Variants in CHRM3 observed in about 807,000 individuals in gnomAD.
CHRM3 encodes cholinergic receptor muscarinic 3.
Under a neutral mutation model 41.8 loss-of-function variants are expected in CHRM3, and 11 were observed. The observed-to-expected ratio is 0.26, with a 90% CI of 0.17 to 0.44. CHRM3 has a LOEUF of 0.44. CHRM3 is among the 20% of genes least tolerant of loss of function. The probability of loss-of-function intolerance (pLI) is 1.00; values close to 1 mark genes in which losing one functional copy is unlikely to be tolerated. For missense variants in CHRM3, 571 were observed against 745.4 expected (o/e 0.77, Z 2.72); for synonymous variants, 297 against 301.4 (o/e 0.99, Z 0.15).
At position 239,607,659 on chromosome 1, in the gene CHRM3, TA is replaced by T. The variant is rs926977809; in HGVS notation, c.-312-24557del. Among the ~76,000 whole-genome samples, 492 of 151,858 alleles carry T rather than the reference TA, an allele frequency of 3.2e-3. 2 individuals carry two copies. The highest frequency in any genetic ancestry group is 0.011 in the African/African-American group (460 of 41,474). On this transcript the variant is annotated intron_variant, in intron 3 of 6. Transcript: ENST00000676153. ...TACTATTAATATGAAAAGCTCAAAC[TA>T]AAAAAAAGGCTTAGTAAAATCAACC...
At chr1:239,689,791 A>G (rs1005214554) in intron 5 of CHRM3, among the ~76,000 whole-genome samples, 2 of 152,190 alleles carry the variant, frequency 1.3e-5, no homozygotes, top group Non-Finnish European at 2.9e-5. Flanking sequence ...ACTAGGATAC[A>G]CATGTAGATA....
chr1:239,411,830 G>C (rs1281393345), intron 1 of CHRM3, among the ~76,000 whole-genome samples: 6 of 150,348 alleles, frequency 4.0e-5, no homozygotes, highest in Non-Finnish European at 5.9e-5. Flanking sequence ...AATTCTCAAG[G>C]CTTGTGATAA....
intron 6 of CHRM3, among the ~76,000 whole-genome samples, chr1:239,848,964 A>C (rs1333645338): frequency 6.6e-6 from 1 of 152,222 alleles, no homozygotes; most frequent in Non-Finnish European, 1.5e-5. Context: ...AACTATAGCT[A>C]CAGTATAGAG....
chr1:239,796,257 G>A (rs1669757479), intron 5 of CHRM3, among the ~76,000 whole-genome samples: 1 of 151,808 alleles, frequency 6.6e-6, no homozygotes, highest in Admixed American at 6.6e-5. Flanking sequence ...TAGAGCTCAA[G>A]AAAGAAAATA....
At chr1:239,491,880 A>G (rs1269727369) in intron 1 of CHRM3, among the ~76,000 whole-genome samples, 1 of 152,204 alleles carries the variant, frequency 6.6e-6, no homozygotes, top group Non-Finnish European at 1.5e-5. Context: ...TTTGAAAGCC[A>G]CGTGCAGGGG....
chr1:239,564,015 G>C (rs749599041), intron 3 of CHRM3, among the ~76,000 whole-genome samples: 1 of 152,104 alleles, frequency 6.6e-6, no homozygotes, highest in Non-Finnish European at 1.5e-5. Context: ...ATTTTTAGAA[G>C]CTCAAGATTT....
intron 6 of CHRM3, among the ~76,000 whole-genome samples, chr1:239,869,628 G>A (rs1197259770): frequency 6.6e-6 from 1 of 151,986 alleles, no homozygotes. Context: ...CCTCAGCCAT[G>A]GATCCCCAAG....
At chr1:239,388,129 G>C (rs1272199927) in intron 1 of CHRM3, among the ~76,000 whole-genome samples, 1 of 152,110 alleles carries the variant, frequency 6.6e-6, no homozygotes, top group Non-Finnish European at 1.5e-5. Flanking sequence ...GCAGGGATTT[G>C]GGAACTGCAT....
intron 2 of CHRM3, among the ~76,000 whole-genome samples, chr1:239,522,652 T>C (rs1306305422): frequency 6.6e-6 from 1 of 152,248 alleles, no homozygotes; most frequent in African/African-American, 2.4e-5. Flanking sequence ...ATGGGCTTTC[T>C]GGGCTGCTGA....
chr1:239,817,640 C>G (rs559873775), intron 5 of CHRM3, among the ~76,000 whole-genome samples: 10 of 152,016 alleles, frequency 6.6e-5, no homozygotes, highest in African/African-American at 2.4e-4. Flanking sequence ...CCAAAATGCA[C>G]AAGGACACAC....
Position 239,911,449 on chromosome 1 carries a change from T to C in CHRM3, c.*2225T>C, listed in dbSNP as rs560231597. On this transcript the variant is annotated 3_prime_UTR_variant, in exon 7 of 7. Coordinates refer to ENST00000676153, the MANE Select transcript of CHRM3 (RefSeq NM_001375978.1). ...CTCAAGTTGGCCTGGCACTAATAAA[T>C]ATGTGAAAGCTTATTCAAGTGTCCC... The C allele has an allele frequency of 1.2e-5, 2 of 166,934 alleles. No individual in the cohort carries two copies. Among genetic ancestry groups the C allele is most frequent in the African/African-American group, 4.8e-5 (2 of 41,456 alleles). 10.3% of individuals were successfully genotyped at this position (166,934 alleles called of 1,614,324 possible).
At chr1:239,710,519 T>A (rs962380479) in intron 5 of CHRM3, among the ~76,000 whole-genome samples, 2 of 152,076 alleles carry the variant, frequency 1.3e-5, no homozygotes, top group Admixed American at 6.6e-5. Context: ...GGTTTGGGTA[T>A]GTGACATATG....
chr1:239,630,290 A>G (rs1018607954), intron 3 of CHRM3, among the ~76,000 whole-genome samples: 2 of 152,218 alleles, frequency 1.3e-5, no homozygotes, highest in Non-Finnish European at 2.9e-5. Context: ...ACATGTAGGC[A>G]ATGTTGGGAC....
intron 6 of CHRM3, among the ~76,000 whole-genome samples, chr1:239,860,675 T>G (rs1675563754): frequency 6.6e-6 from 1 of 152,208 alleles, no homozygotes; most frequent in South Asian, 2.1e-4. Flanking sequence ...GCAGAGTTTG[T>G]GTTAAGTACT....
intron 3 of CHRM3, among the ~76,000 whole-genome samples, chr1:239,585,223 A>C (rs1230357301): frequency 6.6e-6 from 1 of 152,130 alleles, no homozygotes; most frequent in East Asian, 1.9e-4. Context: ...CTATTTGAAT[A>C]ATGACTGGTT....
At chr1:239,787,243 G>T (rs1331500673) in intron 5 of CHRM3, among the ~76,000 whole-genome samples, 1 of 152,174 alleles carries the variant, frequency 6.6e-6, no homozygotes, top group Non-Finnish European at 1.5e-5. Flanking sequence ...TATCCACCTG[G>T]TGGCTGAAGA....
At chr1:239,824,328 G>A (rs1672286052) in intron 5 of CHRM3, among the ~76,000 whole-genome samples, 1 of 152,140 alleles carries the variant, frequency 6.6e-6, no homozygotes, top group Admixed American at 6.5e-5. Context: ...TGGACTCGGT[G>A]CCTTCAATCG....
intron 3 of CHRM3, among the ~76,000 whole-genome samples, chr1:239,594,505 G>A (rs1353815345): frequency 6.6e-6 from 1 of 152,210 alleles, no homozygotes; most frequent in Non-Finnish European, 1.5e-5. Flanking sequence ...TGTTGTCACA[G>A]AATCAAGTTG....
chr1:239,587,979 C>A (rs932691574), intron 3 of CHRM3, among the ~76,000 whole-genome samples: 1 of 152,184 alleles, frequency 6.6e-6, no homozygotes, highest in Non-Finnish European at 1.5e-5. Flanking sequence ...AAGTACAGAG[C>A]TCTCTAAAAT....
Sources: allele counts gnomAD v4.1 joint callset (sites outside exome capture counted in the v4.1 genomes callset), GRCh38; gene constraint gnomAD v4.1.1; transcripts MANE v1.5; gene names NCBI Gene and HGNC (gene_info 2026-07-23, HGNC 2026-07-21).